Variants in SLC8A3 observed in about 807,000 individuals in gnomAD.
The protein encoded by SLC8A3 is sodium/calcium exchanger 3.
A neutral mutation model predicts 65.4 loss-of-function variants in SLC8A3; 37 were observed. The observed-to-expected ratio is 0.57, with a 90% CI of 0.44 to 0.74. SLC8A3 has a LOEUF of 0.74. Among genes scored for constraint, SLC8A3 ranks in the 30% least tolerant of loss-of-function variants. The pLI is 0.00. For missense variants in SLC8A3, 1,112 were observed against 1,172.1 expected, an observed-to-expected ratio of 0.95 and a Z score of 0.75; for synonymous variants, 461 against 444.5, an observed-to-expected ratio of 1.04 and a Z score of -0.47.
chr14:70,184,783 C>T (rs1883046962), intron 1 of SLC8A3, among the ~76,000 whole-genome samples: 1 of 152,172 alleles, frequency 6.6e-6, no homozygotes, highest in African/African-American at 2.4e-5. Flanking sequence ...CTGTACTTAG[C>T]ACATGCCTGT....
chr14:70,156,200 C>T (rs77527449), intron 2 of SLC8A3, among the ~76,000 whole-genome samples: 7,443 of 152,266 alleles, frequency 0.049, 221 homozygotes, highest in South Asian at 0.072. Context: ...TTATCTGCTT[C>T]ACCTGTCCAA....
chr14:70,137,326 T>C (rs1309569457), intron 2 of SLC8A3, among the ~76,000 whole-genome samples: 2 of 152,042 alleles, frequency 1.3e-5, no homozygotes, highest in African/African-American at 4.8e-5. Context: ...CTAGTTTTTG[T>C]ATTTTTAGTA....
chr14:70,099,327 C>T (rs879237085), intron 2 of SLC8A3, among the ~76,000 whole-genome samples: 2 of 152,226 alleles, frequency 1.3e-5, no homozygotes, highest in South Asian at 4.2e-4. Context: ...TTACAGAGAC[C>T]CTATGTTGCC....
chr14:70,150,536 G>A (rs1428913122), intron 2 of SLC8A3, among the ~76,000 whole-genome samples: 1 of 152,110 alleles, frequency 6.6e-6, no homozygotes, highest in Non-Finnish European at 1.5e-5. Context: ...AGTGATAGGA[G>A]GGTAGGAGGC....
At chr14:70,108,308 G>C (rs895987925) in intron 2 of SLC8A3, among the ~76,000 whole-genome samples, 6 of 151,202 alleles carry the variant, frequency 4.0e-5, no homozygotes, top group African/African-American at 1.5e-4. Context: ...GCTGAGGCAG[G>C]AGAATCGCTT....
intron 2 of SLC8A3, among the ~76,000 whole-genome samples, chr14:70,114,994 A>G (rs1056363810): frequency 1.3e-5 from 2 of 152,146 alleles, no homozygotes; most frequent in African/African-American, 4.8e-5. Context: ...CTCCCTAATC[A>G]GGAGACACGA....
chr14:70,132,747 C>T (rs955104074), intron 2 of SLC8A3, among the ~76,000 whole-genome samples: 1 of 152,192 alleles, frequency 6.6e-6, no homozygotes, highest in Non-Finnish European at 1.5e-5. Flanking sequence ...ATACCTGATG[C>T]TATGAGCAAA....
At chr14:70,072,975 A>G (rs1890147915) in intron 2 of SLC8A3, among the ~76,000 whole-genome samples, 1 of 152,058 alleles carries the variant, frequency 6.6e-6, no homozygotes, top group Non-Finnish European at 1.5e-5. Context: ...AAATTTTTCC[A>G]TACAAACTCT....
intron 1 of SLC8A3, 90 bp from the exon 2 acceptor site, chr14:70,168,574 C>A: frequency 1.6e-6 from 1 of 616,702 alleles, no homozygotes; most frequent in Non-Finnish European, 2.9e-6. Context: ...TGCTTCACCT[C>A]CAGTGACATA....
chr14:70,166,325 T>C (rs1897157206), intron 2 of SLC8A3, among the ~76,000 whole-genome samples: 1 of 152,224 alleles, frequency 6.6e-6, no homozygotes, highest in South Asian at 2.1e-4. Context: ...CTCCAAAATC[T>C]GATATCACAA....
intron 2 of SLC8A3, among the ~76,000 whole-genome samples, chr14:70,109,215 T>G (rs1247036528): frequency 2.0e-5 from 3 of 148,000 alleles, no homozygotes; most frequent in African/African-American, 7.5e-5. Context: ...TTTTTTCACT[T>G]TAAGTTCTGG....
At chr14:70,122,067 T>C (rs1894103774) in intron 2 of SLC8A3, among the ~76,000 whole-genome samples, 1 of 152,152 alleles carries the variant, frequency 6.6e-6, no homozygotes, top group South Asian at 2.1e-4. Flanking sequence ...GCTCTATCCC[T>C]GTCCCACCAG....
chr14:70,122,469 G>T (rs572431085), intron 2 of SLC8A3, among the ~76,000 whole-genome samples: 1 of 152,152 alleles, frequency 6.6e-6, no homozygotes, highest in African/African-American at 2.4e-5. Context: ...GGCCTGGCCT[G>T]CTCTGCCACT....
At chr14:70,059,157 C>G (rs1198633225) in intron 3 of SLC8A3, 1 of 152,230 alleles carries the variant, frequency 6.6e-6, no homozygotes, top group Non-Finnish European at 1.5e-5. Flanking sequence ...GAGTTCTGCC[C>G]CTAGAGCATC....
intron 2 of SLC8A3, among the ~76,000 whole-genome samples, chr14:70,154,255 G>A (rs1320305639): frequency 6.6e-6 from 1 of 152,208 alleles, no homozygotes; most frequent in African/African-American, 2.4e-5. Flanking sequence ...GAAAGAATAT[G>A]CAGTTTAAAA....
intron 2 of SLC8A3, among the ~76,000 whole-genome samples, chr14:70,146,960 C>T (rs1319172645): frequency 6.6e-6 from 1 of 152,160 alleles, no homozygotes; most frequent in East Asian, 1.9e-4. Flanking sequence ...GAAGCAGAAA[C>T]ACACATAAGA....
chr14:70,186,257 C>T (rs1332102321), intron 1 of SLC8A3, among the ~76,000 whole-genome samples: 2 of 152,186 alleles, frequency 1.3e-5, no homozygotes, highest in Non-Finnish European at 2.9e-5. Context: ...TTGTAAACTT[C>T]CTAAGGCCTC....
At chr14:70,075,135 G>A (rs1449594528) in intron 2 of SLC8A3, among the ~76,000 whole-genome samples, 1 of 152,112 alleles carries the variant, frequency 6.6e-6, no homozygotes, top group Non-Finnish European at 1.5e-5. Flanking sequence ...GTGTGTGTGT[G>A]TGTGCGCGCA....
chr14:70,154,291 T>G (rs1194278032), intron 2 of SLC8A3, among the ~76,000 whole-genome samples: 4 of 152,358 alleles, frequency 2.6e-5, no homozygotes, highest in South Asian at 4.1e-4. Context: ...CTAAAATTTT[T>G]TTGTATTTTT....
Sources: gnomAD v4.1 joint callset for allele counts (sites outside exome capture counted in the v4.1 genomes callset) on GRCh38, gnomAD v4.1.1 for gene constraint, MANE v1.5 for transcripts, NCBI Gene and HGNC (gene_info 2026-07-23, HGNC 2026-07-21) for gene names.